SGCZ: variants seen among roughly 807,000 people sequenced by gnomAD.
SGCZ encodes the protein sarcoglycan zeta, also known as zeta-sarcoglycan.
A neutral mutation model predicts 41.3 loss-of-function variants in SGCZ; 40 were observed. The ratio of observed to expected loss-of-function variants is 0.97; its 90% CI spans 0.75 to 1.26. The LOEUF is 1.26. Ranked by LOEUF, SGCZ falls within the 50% of genes most tolerant of loss-of-function variation. SGCZ has a pLI of 0.00. For synonymous variants in SGCZ, 206 were observed against 137.5 expected (o/e 1.50, Z -3.49); for missense variants, 552 against 369.8 (o/e 1.49, Z -4.04).
At position 14,190,792 on chromosome 8, in the gene SGCZ, C is replaced by T. The variant is rs184504966; in HGVS notation, c.425-26090G>A. 3.1e-3 allele frequency among the ~76,000 whole-genome samples: 476 copies of T among 151,848 alleles called. 2 individuals carry two copies. The highest frequency in any genetic ancestry group is 0.011 in the African/African-American group (442 of 41,446). ...TAATTTTTTATATTTTTAGTAGAGA[C>T]GGCGTTTCACTGTGTTAGCCAGGAT... On this transcript the variant is annotated intron_variant, in intron 4 of 7. Transcript: ENST00000382080.
chr8:14,744,616 G>C lies in SGCZ; in HGVS notation c.40-189690C>G, dbSNP rs577397154. The stretch of plus-strand genomic sequence containing the variant: ...ATCCACGTAGAGGTGTAGTTCATTT[G>C]TATACAATGGACAAGAAAAATACTT... On this transcript the variant is annotated intron_variant, in intron 1 of 7. Coordinates refer to ENST00000382080, the MANE Select transcript of SGCZ (RefSeq NM_139167.4). Among the ~76,000 whole-genome samples the C allele has an allele frequency of 2.2e-4, 34 of 152,222 alleles. No homozygotes were observed. The South Asian group carries it at 6.8e-3, about 31-fold the overall frequency.
intron 2 of SGCZ, among the ~76,000 whole-genome samples, chr8:14,355,291 T>A (rs1362735393): frequency 6.6e-6 from 1 of 152,102 alleles, no homozygotes; most frequent in Non-Finnish European, 1.5e-5. Flanking sequence ...ATTTAAAAAC[T>A]CAAAGTCTAT....
intron 1 of SGCZ, among the ~76,000 whole-genome samples, chr8:15,234,758 C>CA (rs1409806628): frequency 2.6e-5 from 4 of 151,878 alleles, no homozygotes; most frequent in Admixed American, 6.6e-5. Flanking sequence ...CCCAGCACAG[C>CA]AAAAAATAAA....
At chr8:15,014,945 C>T (rs1387504047) in intron 1 of SGCZ, among the ~76,000 whole-genome samples, 2 of 152,130 alleles carry the variant, frequency 1.3e-5, no homozygotes, top group Non-Finnish European at 2.9e-5. Context: ...TTAGGGGCCT[C>T]AAATTTCTGA....
chr8:14,554,320 A>G (rs1803963822), intron 2 of SGCZ, among the ~76,000 whole-genome samples: 1 of 152,096 alleles, frequency 6.6e-6, no homozygotes, highest in Non-Finnish European at 1.5e-5. Context: ...ATATAAAGGT[A>G]TATATGTTAT....
intron 2 of SGCZ, among the ~76,000 whole-genome samples, chr8:14,401,351 T>C (rs1307700723): frequency 6.6e-6 from 1 of 151,712 alleles, no homozygotes; most frequent in Non-Finnish European, 1.5e-5. Flanking sequence ...GTTAGTTACA[T>C]ATGTATACAT....
rs551385715 is a variant in SGCZ at position 14,708,595 on chromosome 8, C to A, written c.40-153669G>T. Among the ~76,000 whole-genome samples, 4 of 151,972 alleles carry A rather than the reference C, an allele frequency of 2.6e-5. No individual in the cohort carries two copies. In the East Asian group the frequency reaches 7.7e-4, roughly 29 times the overall value. ...CTGTCCCTGACCAACTTGGAAAGGG[C>A]TCTCAGGAATCAAACAGAAAACTGG... On this transcript the variant is annotated intron_variant, in intron 1 of 7. Coordinates refer to ENST00000382080, the MANE Select transcript of SGCZ (RefSeq NM_139167.4).
intron 4 of SGCZ, among the ~76,000 whole-genome samples, chr8:14,206,216 C>T (rs1435674883): frequency 1.3e-5 from 2 of 152,016 alleles, no homozygotes; most frequent in East Asian, 3.9e-4. Flanking sequence ...TACTCCTTTG[C>T]CATATACTAT....
intron 1 of SGCZ, among the ~76,000 whole-genome samples, chr8:15,190,334 T>TTTCATTCA (rs111964133): frequency 0.29 from 43,592 of 150,486 alleles, 8,013 homozygotes; most frequent in Non-Finnish European, 0.39. Context: ...GGATAATTCA[T>TTTCATTCA]TTCATTCATT....
chr8:14,551,507 T>TA (rs1803830324), intron 2 of SGCZ, among the ~76,000 whole-genome samples: 1 of 5,224 alleles, frequency 1.9e-4, no homozygotes. Context: ...ATTATATATA[T>TA]TATATATATT....
At chr8:14,109,956 C>T (rs958566055) in intron 5 of SGCZ, among the ~76,000 whole-genome samples, 2 of 152,098 alleles carry the variant, frequency 1.3e-5, no homozygotes, top group African/African-American at 4.8e-5. Context: ...TCTCTCTTCT[C>T]TCTCTCTCTG....
At chr8:14,524,782 G>A (rs556037479) in intron 2 of SGCZ, among the ~76,000 whole-genome samples, 12 of 152,050 alleles carry the variant, frequency 7.9e-5, no homozygotes, top group African/African-American at 1.7e-4. Flanking sequence ...TCCTGGAAGC[G>A]GAAGTCTGTA....
chr8:14,898,846 T>C (rs2130756071), intron 1 of SGCZ, among the ~76,000 whole-genome samples: 1 of 152,316 alleles, frequency 6.6e-6, no homozygotes, highest in East Asian at 1.9e-4. Context: ...GTATGCATTG[T>C]GTGAGGATAT....
At chr8:14,112,143 CATTGAGAAAAAG>C (rs1169557826) in intron 5 of SGCZ, among the ~76,000 whole-genome samples, 2 of 152,056 alleles carry the variant, frequency 1.3e-5, no homozygotes, top group African/African-American at 4.8e-5. Context: ...GAACACCTCA[CATTGAGAAAAAG>C]AAAGTCAGGC....
intron 7 of SGCZ, among the ~76,000 whole-genome samples, chr8:14,091,090 G>A (rs1260817746): frequency 6.6e-6 from 1 of 151,844 alleles, no homozygotes; most frequent in Admixed American, 6.6e-5. Flanking sequence ...TGCAGTGTTT[G>A]GTTTTCTTTT....
chr8:14,298,091 G>C (rs1180803110), intron 3 of SGCZ, among the ~76,000 whole-genome samples: 1 of 151,854 alleles, frequency 6.6e-6, no homozygotes, highest in Non-Finnish European at 1.5e-5. Flanking sequence ...TATTACAGAT[G>C]AGAAAATGAG....
At chr8:15,060,787 T>G (rs1037927120) in intron 1 of SGCZ, among the ~76,000 whole-genome samples, 2 of 152,174 alleles carry the variant, frequency 1.3e-5, no homozygotes, top group Admixed American at 1.3e-4. Context: ...AGGGTTGTTT[T>G]GTTTTTGTTG....
At chr8:14,402,831 C>A (rs988599847) in intron 2 of SGCZ, among the ~76,000 whole-genome samples, 7 of 149,372 alleles carry the variant, frequency 4.7e-5, no homozygotes, top group Non-Finnish European at 1.0e-4. Context: ...TGAAGAAAGG[C>A]ATTGGTAGCT....
At chr8:14,677,164 G>C (rs555982950) in intron 1 of SGCZ, among the ~76,000 whole-genome samples, 19 of 151,944 alleles carry the variant, frequency 1.3e-4, no homozygotes, top group Non-Finnish European at 2.2e-4. Flanking sequence ...TTATATGCCA[G>C]CAATGAGAAA....
Sources: allele counts gnomAD v4.1 joint callset (sites outside exome capture counted in the v4.1 genomes callset), GRCh38; gene constraint gnomAD v4.1.1; transcripts MANE v1.5; gene names NCBI Gene and HGNC (gene_info 2026-07-23, HGNC 2026-07-21).